SLC7A10: variants seen among roughly 807,000 people sequenced by gnomAD.
The protein encoded by SLC7A10 is asc-type amino acid transporter 1.
SLC7A10 carries 30 observed loss-of-function variants against 52.7 expected under a neutral mutation model. That is an observed-to-expected ratio of 0.57 (90% confidence interval 0.43 to 0.77). The LOEUF is 0.77. SLC7A10 is among the 30% of genes least tolerant of loss of function. The probability of loss-of-function intolerance (pLI) is 0.00; values close to 1 mark genes in which losing one functional copy is unlikely to be tolerated. For missense variants in SLC7A10, 581 were observed against 698.5 expected, an observed-to-expected ratio of 0.83 and a Z score of 1.90; for synonymous variants, 318 against 314.9, an observed-to-expected ratio of 1.01 and a Z score of -0.10.
At chr19:33,214,635 T>A (rs1054981673) in intron 2 of SLC7A10, among the ~76,000 whole-genome samples, 2 of 152,152 alleles carry the variant, frequency 1.3e-5, no homozygotes, top group Non-Finnish European at 2.9e-5. Context: ...TGTTCACACT[T>A]CCCCCATCCT....
At chr19:33,223,703 G>A (rs1599962163) in intron 1 of SLC7A10, among the ~76,000 whole-genome samples, 1 of 152,142 alleles carries the variant, frequency 6.6e-6, no homozygotes, top group Non-Finnish European at 1.5e-5. Flanking sequence ...TGAGTGCCCC[G>A]GGCTTGGGTT....
chr19:33,213,413 C>T (rs1034476792), intron 2 of SLC7A10, among the ~76,000 whole-genome samples: 2 of 152,010 alleles, frequency 1.3e-5, no homozygotes, highest in African/African-American at 4.8e-5. Context: ...CTCAGTCTCC[C>T]AAGTAGCTGG....
chr19:33,225,765 C>A lies in SLC7A10; in HGVS notation c.-62G>T, dbSNP rs1355622592. On this transcript the variant is annotated 5_prime_UTR_variant, in exon 1 of 11. Transcript: ENST00000253188. ...CCCGTCTGTCCGGCCGGCCGCCCGT[C>A]GGTCCGTCGGTCCGTGAGCTCACGG... The A allele has an allele frequency of 1.5e-4, 217 of 1,436,924 alleles. No homozygotes were observed. In the East Asian group the frequency reaches 6.6e-3, roughly 44 times the overall value. 89.0% of individuals were successfully genotyped at this position (1,436,924 alleles called of 1,614,324 possible). A position where few individuals can be genotyped will look rare whatever the true frequency, so the allele number is the denominator to read the frequency against.
At chr19:33,215,141 G>A (rs1396815836) in intron 2 of SLC7A10, among the ~76,000 whole-genome samples, 1 of 151,808 alleles carries the variant, frequency 6.6e-6, no homozygotes, top group Non-Finnish European at 1.5e-5. Flanking sequence ...GGTGGCGGGC[G>A]CCTATAATCC....
chr19:33,214,652 C>T (rs1219949104), intron 2 of SLC7A10, among the ~76,000 whole-genome samples: 1 of 152,270 alleles, frequency 6.6e-6, no homozygotes, highest in East Asian at 1.9e-4. Flanking sequence ...TCCTGGGATG[C>T]TTTCCTCACT....
intron 1 of SLC7A10, among the ~76,000 whole-genome samples, chr19:33,219,507 C>G (rs1328525559): frequency 6.6e-6 from 1 of 152,242 alleles, no homozygotes. Flanking sequence ...GGCCAGGACA[C>G]TGGCACCAGT....
Position 33,209,438 on chromosome 19 carries a change from C to G in SLC7A10, c.1311G>C (p.Leu437=). ...PVAYLVFWAF[L]LVFSFISEPM... ...GCTCTGAGATGAAGCTGAAGACCAG[C>G]AGGAAGGCCCAGAAGACCAAGTACG... Residue 437 remains leucine, a synonymous_variant, in exon 10 of 11, where the codon CTG becomes CTC. Transcript: ENST00000253188. 6.2e-7 allele frequency: 1 copy of G among 1,613,966 alleles called. No homozygotes were observed. The highest frequency in any genetic ancestry group is 1.1e-5 in the South Asian group (1 of 91,068).
chr19:33,211,810 T>A, intron 5 of SLC7A10: 1 of 550,100 alleles, frequency 1.8e-6, no homozygotes, highest in Non-Finnish European at 3.2e-6. Context: ...AAAGATAAAA[T>A]CGCATACAGC....
chr19:33,215,640 CCTT>C (rs1306348994), intron 2 of SLC7A10, 126 bp downstream of exon 2: 1 of 953,262 alleles, frequency 1.0e-6, no homozygotes. Context: ...ACCCCCCACA[CCTT>C]CTCTCCATCC....
At position 33,210,752 on chromosome 19, in the gene SLC7A10, C is replaced by T; in HGVS notation, c.1113+50G>A. ...CCATTACCCGGAAGGTCCTGCATTG[C>T]CGGGTAGCCCTGCCTCCACGCCCTG... On this transcript the variant is annotated intron_variant, in intron 8 of 10. Transcript: ENST00000253188. The surrounding 1 kb of genome is among the most constrained non-coding windows in gnomAD (Gnocchi z 5.6). 1 of 1,610,076 alleles carries T rather than the reference C, an allele frequency of 6.2e-7. No individual in the cohort carries two copies. The highest frequency in any genetic ancestry group is 1.1e-5 in the South Asian group (1 of 91,020).
At chr19:33,217,359 G>A (rs568853049) in intron 1 of SLC7A10, among the ~76,000 whole-genome samples, 1 of 152,300 alleles carries the variant, frequency 6.6e-6, no homozygotes, top group East Asian at 1.9e-4. Flanking sequence ...GCCAACTATG[G>A]TCTGTAGAGT....
At chr19:33,218,670 T>C (rs1211037723) in intron 1 of SLC7A10, among the ~76,000 whole-genome samples, 1 of 53,436 alleles carries the variant, frequency 1.9e-5, no homozygotes, top group Non-Finnish European at 4.2e-5. Context: ...GATTTCTTTC[T>C]TTCTTTCTTT....
intron 1 of SLC7A10, among the ~76,000 whole-genome samples, chr19:33,217,354 C>G (rs1288269681): frequency 1.3e-5 from 2 of 152,172 alleles, no homozygotes; most frequent in Non-Finnish European, 2.9e-5. Flanking sequence ...GGGGGGCCAA[C>G]TATGGTCTGT....
Position 33,225,810 on chromosome 19 carries a change from G to T in SLC7A10, c.-107C>A. 1 of 1,246,098 alleles carries T rather than the reference G, an allele frequency of 8.0e-7. No individual in the cohort carries two copies. The highest frequency in any genetic ancestry group is 1.0e-6 in the Non-Finnish European group (1 of 981,900). The allele number at this position is 1,246,098 out of a possible 1,614,324, so 77.2% of individuals were successfully genotyped here. On this transcript the variant is annotated 5_prime_UTR_variant, in exon 1 of 11. Coordinates refer to ENST00000253188, the MANE Select transcript of SLC7A10 (RefSeq NM_019849.3). ...TCACGGCCCTCGCAGCCGGGACAGC[G>T]CCCACAGGCGGGCGCATGCGCTGGC...
rs1179821916 is a variant in SLC7A10 at position 33,211,246 on chromosome 19, C to T, written c.995G>A (p.Gly332Asp). Reference protein sequence around the residue: ...VALSTFGGINGYLFTYSRLCF... With the variant: ...VALSTFGGINDYLFTYSRLCF... ...TCACCTGGAGTAGGTGAACAGGTAA[C>T]CATTGATCCCTCCGAAGGTTGACAG... Residue 332 changes from glycine to aspartate, a missense_variant, in exon 7 of 11, where the codon GGT becomes GAT. By Grantham distance (94) the Gly-to-Asp change is moderately conservative. Coordinates refer to ENST00000253188, the MANE Select transcript of SLC7A10 (RefSeq NM_019849.3). 1 of 1,613,858 alleles carries T rather than the reference C, an allele frequency of 6.2e-7. No homozygotes were observed. Among genetic ancestry groups the T allele is most frequent in the African/African-American group, 1.3e-5 (1 of 74,918 alleles).
Position 33,210,102 on chromosome 19 carries a change from G to A in SLC7A10, c.1263+365C>T, listed in dbSNP as rs1487735700. Among the ~76,000 whole-genome samples, 1 of 151,952 alleles carries A rather than the reference G, an allele frequency of 6.6e-6. No homozygotes were observed. The highest frequency in any genetic ancestry group is 1.5e-5 in the Non-Finnish European group (1 of 68,000). On this transcript the variant is annotated intron_variant, in intron 9 of 10. Coordinates refer to ENST00000253188, the MANE Select transcript of SLC7A10 (RefSeq NM_019849.3). The surrounding 1 kb of genome is among the most constrained non-coding windows in gnomAD (Gnocchi z 5.6). ...ACCACAGGTGCGCACCACCACACCA[G>A]GCTAACCCTTTTATTTTTAACTTTT...
At position 33,215,878 on chromosome 19, in the gene SLC7A10, C is replaced by T. The variant is rs750158117; in HGVS notation, c.247G>A (p.Gly83Arg). 1 of 1,609,910 alleles carries T rather than the reference C, an allele frequency of 6.2e-7. No individual in the cohort carries two copies. Among genetic ancestry groups the T allele is most frequent in the Non-Finnish European group, 8.5e-7 (1 of 1,178,420 alleles). Reference protein sequence around the residue: ...GLALFVWVLGGGVTALGSLCY... With the variant: ...GLALFVWVLGRGVTALGSLCY... ...AGGGAGCCCAGAGCCGTCACGCCCC[C>T]ACCCAGGACCCAGACGAACAGGGCC... The change falls in exon 2 of 11, where the codon GGG (glycine) becomes AGG (arginine). Residue 83 changes from glycine to arginine, a missense_variant. Gly to Arg is a moderately radical substitution (Grantham distance 125). Coordinates refer to ENST00000253188, the MANE Select transcript of SLC7A10 (RefSeq NM_019849.3).
In SLC7A10 at chr19:33,209,480, G is replaced by A; in HGVS notation, c.1269C>T (p.Asn423=). ...CCAAGTACGCCACGGGGATGAGAAG[G>A]TTCACCTGGGGAAGGGGGAGCAGAA... The part of the protein sequence containing the change: ...RPALHRPIKV[N]LLIPVAYLVF... Residue 423 remains asparagine (N), a synonymous_variant, in exon 10 of 11, where the codon AAC becomes AAT. Coordinates refer to ENST00000253188, the MANE Select transcript of SLC7A10 (RefSeq NM_019849.3). The A allele has an allele frequency of 6.2e-7, 1 of 1,613,816 alleles. No individual in the cohort carries two copies. Among genetic ancestry groups the A allele is most frequent in the Non-Finnish European group, 8.5e-7 (1 of 1,179,958 alleles).
chr19:33,225,756 G>GCCGC lies in SLC7A10; in HGVS notation c.-57_-54dup, dbSNP rs1040160595. ...CTGCGCTGCCCCGTCTGTCCGGCCG[G>GCCGC]CCGCCCGTCGGTCCGTCGGTCCGTG... On this transcript the variant is annotated 5_prime_UTR_variant, in exon 1 of 11. Coordinates refer to ENST00000253188, the MANE Select transcript of SLC7A10 (RefSeq NM_019849.3). 1.1e-4 allele frequency: 165 copies of GCCGC among 1,449,010 alleles called. No homozygotes were observed. The African/African-American group carries it at 2.2e-3, about 19-fold the overall frequency. The allele number at this position is 1,449,010 out of a possible 1,614,324, so 89.8% of individuals were successfully genotyped here.
Sources: gnomAD v4.1 joint callset for allele counts (sites outside exome capture counted in the v4.1 genomes callset) on GRCh38, gnomAD v4.1.1 for gene constraint, Gnocchi (gnomAD v3.1) non-coding constraint, MANE v1.5 for transcripts, NCBI Gene and HGNC (gene_info 2026-07-23, HGNC 2026-07-21) for gene names.